Variants in RPRD2 observed in about 807,000 individuals in gnomAD.
RPRD2 encodes regulation of nuclear pre-mRNA domain containing 2.
RPRD2 carries 12 observed loss-of-function variants against 104.4 expected under a neutral mutation model. That is an observed-to-expected ratio of 0.11 (90% CI 0.07 to 0.19). The LOEUF (loss-of-function observed/expected upper bound fraction) is 0.19, where lower values mean the gene tolerates loss of function less well. Among genes scored for constraint, RPRD2 ranks in the 10% least tolerant of loss-of-function variants. The pLI is 1.00. For synonymous variants in RPRD2, 714 were observed against 684.9 expected (o/e 1.04, Z -0.66); for missense variants, 1,543 against 1,790.1 (o/e 0.86, Z 2.49).
Position 150,440,813 on chromosome 1 carries a change from A to C in RPRD2, c.336-110A>C, listed in dbSNP as rs1051664571. The C allele has an allele frequency of 7.7e-5, 50 of 651,322 alleles. No homozygotes were observed. The Admixed American group carries it at 8.7e-4, about 11-fold the overall frequency. The allele number at this position is 651,322 out of a possible 1,614,324, so 40.3% of individuals were successfully genotyped here. A position where few individuals can be genotyped will look rare whatever the true frequency, so the allele number is the denominator to read the frequency against. ...ATAGAAAAAAGGTTTTGAAATAAAC[A>C]TCAGAAGAAATTTGGAAAATAATTT... On this transcript the variant is annotated intron_variant, in intron 2 of 10. Coordinates refer to ENST00000369068, the MANE Select transcript of RPRD2 (RefSeq NM_015203.5).
chr1:150,385,181 T>C (rs972513154), intron 1 of RPRD2, among the ~76,000 whole-genome samples: 1 of 152,140 alleles, frequency 6.6e-6, no homozygotes, highest in South Asian at 2.1e-4. Flanking sequence ...GTGAAGTGGC[T>C]GGATGTGCGG....
chr1:150,457,711 C>T (rs1667633710), intron 8 of RPRD2, 141 bp downstream of exon 8: 1 of 768,986 alleles, frequency 1.3e-6, no homozygotes, highest in Non-Finnish European at 2.2e-6. Context: ...ATCTCTAGAG[C>T]AGTTGTTGAG....
At chr1:150,387,332 G>A (rs1412193899) in intron 1 of RPRD2, among the ~76,000 whole-genome samples, 4 of 152,074 alleles carry the variant, frequency 2.6e-5, no homozygotes, top group Admixed American at 2.6e-4. Flanking sequence ...AGAACCTTGG[G>A]AGCACCAGAG....
At chr1:150,368,559 G>C (rs1352942713) in intron 1 of RPRD2, among the ~76,000 whole-genome samples, 2 of 151,222 alleles carry the variant, frequency 1.3e-5, no homozygotes, top group African/African-American at 4.9e-5. Context: ...CGCCTCCCAG[G>C]TTCAAGTGAT....
At chr1:150,377,338 C>T (rs1424718919) in intron 1 of RPRD2, among the ~76,000 whole-genome samples, 4 of 152,108 alleles carry the variant, frequency 2.6e-5, no homozygotes, top group South Asian at 2.1e-4. Context: ...CGGTGGCTCA[C>T]GCCTGTAATC....
At chr1:150,452,515 T>C (rs1250793443) in intron 7 of RPRD2, among the ~76,000 whole-genome samples, 1 of 152,236 alleles carries the variant, frequency 6.6e-6, no homozygotes, top group Admixed American at 6.5e-5. Flanking sequence ...TACCAGACTT[T>C]CGATGTATTC....
At chr1:150,417,523 T>C (rs1220902737) in intron 1 of RPRD2, 73 bp from the exon 2 acceptor site, 1 of 1,233,352 alleles carries the variant, frequency 8.1e-7, no homozygotes, top group Admixed American at 2.6e-5. Flanking sequence ...TTGAGAACAC[T>C]GTATTTGGAA....
In RPRD2 at chr1:150,444,340, G is replaced by T; in HGVS notation, c.657G>T (p.Val219=). ...AAAAGCAGTTGTCAACTATGAGGGTGGATGTGTGCAGCACAGAAACTCTCA... is the reference window on the plus strand; with the variant it reads ...AAAAGCAGTTGTCAACTATGAGGGTTGATGTGTGCAGCACAGAAACTCTCA... ...LKEKQLSTMR[V]DVCSTETLKC... is the part of the protein sequence containing the mutation. The change falls in exon 6 of 11, where the codon GTG becomes GTT. Residue 219 remains valine, a synonymous_variant. Transcript: ENST00000369068. 6.2e-7 allele frequency: 1 copy of T among 1,613,864 alleles called. No homozygotes were observed. Among genetic ancestry groups the T allele is most frequent in the Non-Finnish European group, 8.5e-7 (1 of 1,179,804 alleles).
At position 150,470,685 on chromosome 1, in the gene RPRD2, C is replaced by T. The variant is rs1668528446; in HGVS notation, c.1737C>T (p.Pro579=). Residue 579 remains proline (P), a synonymous_variant, in exon 11 of 11, where the codon CCC becomes CCT. Coordinates refer to ENST00000369068, the MANE Select transcript of RPRD2 (RefSeq NM_015203.5). ...TVSTIKGRNL[P]SSAQPFIPKS... is the part of the protein sequence containing the mutation. The stretch of plus-strand genomic sequence containing the variant: ...CTACCATAAAGGGAAGAAATCTGCC[C>T]TCCAGTGCCCAACCTTTTATTCCCA... The T allele has an allele frequency of 6.2e-7, 1 of 1,613,924 alleles. No individual in the cohort carries two copies. Among genetic ancestry groups the T allele is most frequent in the South Asian group, 1.1e-5 (1 of 91,094 alleles).
At position 150,388,494 on chromosome 1, in the gene RPRD2, C is replaced by CGT. The variant is rs34528701; in HGVS notation, c.205+23576_205+23577insTG. The stretch of plus-strand genomic sequence containing the variant: ...TACACATACACTATATATATATACC[C>CGT]GCGCACACACACACACACACACACA... On this transcript the variant is annotated intron_variant, in intron 1 of 10. Transcript: ENST00000369068. Among the ~76,000 whole-genome samples the CGT allele has an allele frequency of 6.4e-5, 6 of 93,154 alleles. No individual in the cohort carries two copies. The South Asian group carries it at 1.3e-3, about 20-fold the overall frequency. The allele number at this position is 93,154 out of a possible 152,430, so 61.1% of individuals were successfully genotyped here.
intron 1 of RPRD2, among the ~76,000 whole-genome samples, chr1:150,404,022 A>G (rs1295384749): frequency 1.3e-5 from 2 of 152,164 alleles, no homozygotes; most frequent in Non-Finnish European, 2.9e-5. Flanking sequence ...CTTTACGTTA[A>G]TAATTTGAAA....
At chr1:150,449,777 C>G (rs952831782) in intron 7 of RPRD2, among the ~76,000 whole-genome samples, 1 of 152,240 alleles carries the variant, frequency 6.6e-6, no homozygotes, top group Admixed American at 6.5e-5. Context: ...AGATAATTCA[C>G]CCATAACAAA....
chr1:150,465,952 G>A (rs1030287693), intron 10 of RPRD2, among the ~76,000 whole-genome samples: 2 of 141,086 alleles, frequency 1.4e-5, no homozygotes, highest in East Asian at 2.0e-4. Flanking sequence ...TGCTGAGATC[G>A]CAGTAAGCCG....
intron 1 of RPRD2, among the ~76,000 whole-genome samples, chr1:150,397,808 G>T (rs150674851): frequency 2.0e-5 from 3 of 149,934 alleles, no homozygotes; most frequent in Non-Finnish European, 4.4e-5. Context: ...GTGTAGTGGC[G>T]CCATCTCCGC....
intron 1 of RPRD2, among the ~76,000 whole-genome samples, chr1:150,414,349 A>G (rs1448281892): frequency 5.9e-5 from 9 of 152,232 alleles, no homozygotes; most frequent in African/African-American, 1.9e-4. Context: ...AAGGAAAGCA[A>G]CATAGAGAAG....
At chr1:150,456,570 C>T (rs1667537043) in intron 7 of RPRD2, among the ~76,000 whole-genome samples, 1 of 151,194 alleles carries the variant, frequency 6.6e-6, no homozygotes, top group Admixed American at 6.6e-5. Context: ...GAGTTCAAGA[C>T]TAGCCTGGAT....
intron 7 of RPRD2, among the ~76,000 whole-genome samples, chr1:150,450,767 C>T (rs1390007739): frequency 6.6e-6 from 1 of 151,666 alleles, no homozygotes; most frequent in Non-Finnish European, 1.5e-5. Flanking sequence ...ACTACAGGCG[C>T]CCACCACCAC....
At chr1:150,375,868 A>C (rs1383908922) in intron 1 of RPRD2, among the ~76,000 whole-genome samples, 1 of 152,196 alleles carries the variant, frequency 6.6e-6, no homozygotes, top group Non-Finnish European at 1.5e-5. Context: ...GAACAGAACA[A>C]TTTACAAACC....
chr1:150,373,201 A>G (rs587640890), intron 1 of RPRD2, among the ~76,000 whole-genome samples: 4 of 152,072 alleles, frequency 2.6e-5, no homozygotes, highest in African/African-American at 9.6e-5. Context: ...TTTAGTAGAG[A>G]CAGGGTTTCA....
Sources: allele counts gnomAD v4.1 joint callset (sites outside exome capture counted in the v4.1 genomes callset), GRCh38; gene constraint gnomAD v4.1.1; transcripts MANE v1.5; gene names NCBI Gene and HGNC (gene_info 2026-07-23, HGNC 2026-07-21).